THRB: variants seen among roughly 807,000 people sequenced by gnomAD.
THRB encodes the protein thyroid hormone receptor beta.
In THRB, 12 loss-of-function variants were observed where a neutral mutation model predicts 47.8. That is an observed-to-expected ratio of 0.25 (90% confidence interval 0.16 to 0.41). The LOEUF is 0.41. THRB is among the 10% of genes least tolerant of loss of function. The pLI is 1.00. For synonymous variants in THRB, 218 were observed against 212.2 expected (o/e 1.03, Z -0.24); for missense variants, 348 against 589.2 (o/e 0.59, Z 4.24).
chr3:24,416,824 A>T (rs2150236725), intron 1 of THRB, among the ~76,000 whole-genome samples: 2 of 151,940 alleles, frequency 1.3e-5, no homozygotes, highest in South Asian at 2.1e-4. Flanking sequence ...TGAGCCCAGG[A>T]ATCTGCACTG....
chr3:24,471,101 A>C (rs1467690065), intron 1 of THRB, among the ~76,000 whole-genome samples: 1 of 152,226 alleles, frequency 6.6e-6, no homozygotes, highest in Non-Finnish European at 1.5e-5. Context: ...GGGACCCAAC[A>C]TTGCTACAAT....
chr3:24,277,652 C>T (rs1876038), intron 3 of THRB, among the ~76,000 whole-genome samples: 8,166 of 152,080 alleles, frequency 0.054, 707 homozygotes, highest in African/African-American at 0.18. Flanking sequence ...TGAAAAGTTA[C>T]CAAAGTTATA....
intron 1 of THRB, among the ~76,000 whole-genome samples, chr3:24,401,913 T>A (rs1194887847): frequency 6.6e-6 from 1 of 152,006 alleles, no homozygotes; most frequent in Non-Finnish European, 1.5e-5. Flanking sequence ...ATAGAGGAAG[T>A]GGCCCAGGTG....
At chr3:24,449,578 C>A (rs953037746) in intron 1 of THRB, among the ~76,000 whole-genome samples, 4 of 152,154 alleles carry the variant, frequency 2.6e-5, no homozygotes, top group Admixed American at 6.5e-5. Context: ...TTTTGACTTT[C>A]TCTCTTGAAA....
chr3:24,160,680 A>G (rs1023346612), intron 5 of THRB, among the ~76,000 whole-genome samples: 22 of 152,204 alleles, frequency 1.4e-4, no homozygotes, highest in African/African-American at 5.3e-4. Flanking sequence ...CCAAGGACCC[A>G]TAAGATGATG....
At chr3:24,465,372 T>C (rs2074050949) in intron 1 of THRB, among the ~76,000 whole-genome samples, 1 of 152,182 alleles carries the variant, frequency 6.6e-6, no homozygotes, top group African/African-American at 2.4e-5. Context: ...TTTATTCTCA[T>C]CAGGATGAGG....
chr3:24,318,439 T>A (rs1419767179), intron 2 of THRB: 1 of 152,292 alleles, frequency 6.6e-6, no homozygotes, highest in East Asian at 1.9e-4. Flanking sequence ...CCACTTTTCC[T>A]GGGAAGACTT....
intron 1 of THRB, among the ~76,000 whole-genome samples, chr3:24,429,369 TC>T (rs1439683595): frequency 6.6e-6 from 1 of 151,750 alleles, no homozygotes; most frequent in African/African-American, 2.4e-5. Flanking sequence ...TTGCATCATA[TC>T]CCTATTTCAG....
chr3:24,237,066 A>G lies in THRB; in HGVS notation c.-42-8065T>C, dbSNP rs139835281. On this transcript the variant is annotated intron_variant, in intron 3 of 10. Coordinates refer to ENST00000646209, the MANE Select transcript of THRB (RefSeq NM_001354712.2). ...AAATATGAAAAGCTAGCGTAGTTAGACTGGGCATGAGCCTAAAGAGGAACA... is the reference window on the plus strand; with the variant it reads ...AAATATGAAAAGCTAGCGTAGTTAGGCTGGGCATGAGCCTAAAGAGGAACA... 9.8e-4 allele frequency among the ~76,000 whole-genome samples: 149 copies of G among 152,340 alleles called. 3 individuals carry two copies. In the East Asian group the frequency reaches 0.021, roughly 21 times the overall value.
intron 3 of THRB, among the ~76,000 whole-genome samples, chr3:24,252,665 A>T (rs1168766939): frequency 6.6e-6 from 1 of 151,834 alleles, no homozygotes; most frequent in Non-Finnish European, 1.5e-5. Flanking sequence ...ATGTCCATCA[A>T]CAGGAACTAG....
At chr3:24,157,103 T>C (rs952996061) in intron 5 of THRB, among the ~76,000 whole-genome samples, 2 of 152,198 alleles carry the variant, frequency 1.3e-5, no homozygotes, top group South Asian at 4.1e-4. Context: ...AGCATTAACT[T>C]TGGAGGCCTT....
chr3:24,324,151 G>A (rs1395640599), intron 2 of THRB, among the ~76,000 whole-genome samples: 1 of 152,104 alleles, frequency 6.6e-6, no homozygotes, highest in Non-Finnish European at 1.5e-5. Flanking sequence ...TTCTACAGCA[G>A]ATCTACTAGG....
At chr3:24,416,501 C>T (rs1432107389) in intron 1 of THRB, among the ~76,000 whole-genome samples, 1 of 151,852 alleles carries the variant, frequency 6.6e-6, no homozygotes, top group African/African-American at 2.4e-5. Context: ...AATCTGTTTG[C>T]TTTCCTTGGA....
At chr3:24,324,884 A>C (rs1323808237) in intron 2 of THRB, among the ~76,000 whole-genome samples, 1 of 152,240 alleles carries the variant, frequency 6.6e-6, no homozygotes, top group Non-Finnish European at 1.5e-5. Context: ...TGCTGTATCT[A>C]CTTGCTGAAA....
At chr3:24,489,219 CA>C (rs1697772053) in intron 1 of THRB, among the ~76,000 whole-genome samples, 1 of 147,992 alleles carries the variant, frequency 6.8e-6, no homozygotes, top group African/African-American at 2.5e-5. Context: ...TCCAGCCTGG[CA>C]ACAGAGCAAG....
chr3:24,212,736 A>G (rs1170710966), intron 4 of THRB, among the ~76,000 whole-genome samples: 2 of 152,090 alleles, frequency 1.3e-5, no homozygotes, highest in Admixed American at 6.6e-5. Context: ...TGCTTTCCAG[A>G]TAGTACAGGG....
At chr3:24,258,716 TG>T (rs2051595816) in intron 3 of THRB, among the ~76,000 whole-genome samples, 1 of 152,212 alleles carries the variant, frequency 6.6e-6, no homozygotes, top group African/African-American at 2.4e-5. Context: ...GCATGAGTCC[TG>T]TGATCAGTAA....
In THRB at chr3:24,435,827, C is replaced by G. The variant is rs185329783; in HGVS notation, c.-261+58825G>C. ...CATGCAGATGCAACGTTGGCCTCCC[C>G]CTCCGCGGCCCTTCCAAACTGTTTA... is the stretch of plus-strand genomic sequence containing the variant. On this transcript the variant is annotated intron_variant, in intron 1 of 10. Transcript: ENST00000646209. 5.5e-3 allele frequency among the ~76,000 whole-genome samples: 840 copies of G among 152,312 alleles called. 12 individuals carry two copies. The highest frequency in any genetic ancestry group is 0.019 in the African/African-American group (802 of 41,572).
chr3:24,194,358 T>A (rs78497369), intron 4 of THRB, among the ~76,000 whole-genome samples: 16 of 121,172 alleles, frequency 1.3e-4, no homozygotes, highest in South Asian at 5.5e-4. Context: ...TATTTTTTTT[T>A]AAAAAACGAG....
Sources: gnomAD v4.1 joint callset for allele counts (sites outside exome capture counted in the v4.1 genomes callset) on GRCh38, gnomAD v4.1.1 for gene constraint, MANE v1.5 for transcripts, NCBI Gene and HGNC (gene_info 2026-07-23, HGNC 2026-07-21) for gene names.